Variants in SATL1 observed in about 807,000 individuals in gnomAD.
SATL1 encodes spermidine/spermine N(1)-acetyltransferase-like protein 1.
In SATL1, 47 loss-of-function variants were observed where a neutral mutation model predicts 51.8. The ratio of observed to expected loss-of-function variants is 0.91; its 90% CI spans 0.72 to 1.16. The LOEUF is 1.16. Among genes scored for constraint, SATL1 ranks in the 50% most tolerant of loss-of-function variants. The probability of loss-of-function intolerance (pLI) is 0.00; values close to 1 mark genes in which losing one functional copy is unlikely to be tolerated. For synonymous variants in SATL1, 176 were observed against 182.4 expected (o/e 0.97, Z 0.28); for missense variants, 520 against 526.4 (o/e 0.99, Z 0.12).
intron 2 of SATL1, among the ~76,000 whole-genome samples, chrX:85,118,070 A>C (rs1210460431): frequency 3.7e-5 from 2 of 53,487 alleles, no homozygotes; most frequent in Non-Finnish European, 9.4e-5. Context: ...TGTTTTGCAA[A>C]TAAAAAAAGA....
intron 2 of SATL1, among the ~76,000 whole-genome samples, chrX:85,199,352 C>G (rs1430533323): frequency 9.0e-6 from 1 of 111,558 alleles, no homozygotes; most frequent in East Asian, 2.8e-4. Flanking sequence ...TAGTATATCA[C>G]TACGGAGAAC....
chrX:85,135,126 A>T (rs1925918799), intron 2 of SATL1, among the ~76,000 whole-genome samples: 1 of 110,556 alleles, frequency 9.0e-6, no homozygotes, highest in African/African-American at 3.3e-5. Flanking sequence ...CTGAACAATG[A>T]GAGCACATGG....
At chrX:85,202,293 A>T (rs1927702080) in intron 2 of SATL1, among the ~76,000 whole-genome samples, 1 of 112,084 alleles carries the variant, frequency 8.9e-6, no homozygotes, top group African/African-American at 3.2e-5. Flanking sequence ...TGCTGTGCAG[A>T]AGCTTCAAAG....
At chrX:85,154,639 T>C (rs765802572) in intron 2 of SATL1, among the ~76,000 whole-genome samples, 3 of 112,433 alleles carry the variant, frequency 2.7e-5, no homozygotes, top group South Asian at 3.7e-4. Context: ...GGCCTAACTC[T>C]GAACCCAGGC....
intron 2 of SATL1, among the ~76,000 whole-genome samples, chrX:85,118,124 A>C (rs1233924523): frequency 3.8e-5 from 2 of 52,092 alleles, no homozygotes; most frequent in East Asian, 1.0e-3. Context: ...GTCTAGAGAA[A>C]GAGGCTGAGA....
intron 2 of SATL1, among the ~76,000 whole-genome samples, chrX:85,147,522 A>G (rs1926288190): frequency 8.8e-6 from 1 of 114,137 alleles, no homozygotes. Flanking sequence ...TGCCTCCTCA[A>G]GTGGGTCCCT....
chrX:85,126,075 C>T (rs1450498868), intron 2 of SATL1, among the ~76,000 whole-genome samples: 1 of 111,117 alleles, frequency 9.0e-6, no homozygotes, highest in African/African-American at 3.3e-5. Context: ...GACCTACCCT[C>T]ACAAGAGTTA....
chrX:85,134,345 G>A (rs1925896230), intron 2 of SATL1, among the ~76,000 whole-genome samples: 1 of 110,993 alleles, frequency 9.0e-6, no homozygotes, highest in South Asian at 3.8e-4. Context: ...GGAGGAGAAT[G>A]TACAACCTTG....
chrX:85,240,188 G>A (rs1051985346), intron 1 of SATL1, among the ~76,000 whole-genome samples: 1 of 111,429 alleles, frequency 9.0e-6, no homozygotes, highest in African/African-American at 3.3e-5. Flanking sequence ...GAGAAGTTAC[G>A]GCAAATAAGG....
At chrX:85,157,544 T>C (rs1926626641) in intron 2 of SATL1, among the ~76,000 whole-genome samples, 1 of 111,288 alleles carries the variant, frequency 9.0e-6, no homozygotes, top group Non-Finnish European at 1.9e-5. Flanking sequence ...ATTCACTTTT[T>C]CTTAGTCTCC....
chrX:85,200,839 T>C (rs1289102388), intron 2 of SATL1, among the ~76,000 whole-genome samples: 1 of 110,583 alleles, frequency 9.0e-6, no homozygotes, highest in Admixed American at 9.7e-5. Context: ...CAATTTATTA[T>C]ATATAATATT....
Position 85,107,895 on chromosome X carries a change from T to G in SATL1, c.1074A>C (p.Gln358His), listed in dbSNP as rs1408988212. 8.3e-7 allele frequency: 1 copy of G among 1,209,552 alleles called. No individual in the cohort carries two copies. The highest frequency in any genetic ancestry group is 3.0e-5 in the East Asian group (1 of 33,702). ...QPGPPQRAPS[Q>H]SGPRQSSTSQ... ...TCGTGCTTGATTGTCTGGGGCCTGA[T>G]TGGCTTGGGGCTCGTTGCGGTGGAC... The change falls in exon 3 of 8, where the codon CAA (glutamine) becomes CAC (histidine). Residue 358 changes from glutamine to histidine, a missense_variant. Physicochemically the swap from Gln to His is conservative, Grantham distance 24. Coordinates refer to ENST00000644105, the MANE Select transcript of SATL1 (RefSeq NM_001367857.2).
At chrX:85,092,744 C>A (rs1924564430) in intron 7 of SATL1, 183 bp from the exon 8 acceptor site, 2 of 406,196 alleles carry the variant, frequency 4.9e-6, no homozygotes, top group Non-Finnish European at 8.1e-6. Flanking sequence ...CTGTTCTGAG[C>A]TTTAAAGCCC....
intron 2 of SATL1, among the ~76,000 whole-genome samples, chrX:85,173,368 G>A (rs1193819594): frequency 9.0e-6 from 1 of 111,323 alleles, no homozygotes; most frequent in Non-Finnish European, 1.9e-5. Flanking sequence ...TGAAGGATCA[G>A]TACTATCCTT....
intron 2 of SATL1, among the ~76,000 whole-genome samples, chrX:85,149,244 C>A (rs1488138418): frequency 9.0e-6 from 1 of 111,513 alleles, no homozygotes; most frequent in Non-Finnish European, 1.9e-5. Context: ...GTAAAGGGAT[C>A]AATTCAACAA....
In SATL1 at chrX:85,093,216, A is replaced by G. The variant is rs1207937470; in HGVS notation, c.1886T>C (p.Ile629Thr). 1.7e-6 allele frequency: 2 copies of G among 1,165,099 alleles called. No homozygotes were observed. The highest frequency in any genetic ancestry group is 2.6e-5 in the Admixed American group (1 of 38,705). Reference protein sequence around the residue: ...YVTQAYQGLGIGAEMLKRLSQ... With the variant: ...YVTQAYQGLGTGAEMLKRLSQ... ...TAGCCTCTTCAGCATTTCAGCTCCAATACCTAGGCCTTTTAAATAGACAAT... is the reference window on the plus strand; with the variant it reads ...TAGCCTCTTCAGCATTTCAGCTCCAGTACCTAGGCCTTTTAAATAGACAAT... The change falls in exon 7 of 8, where the codon ATT becomes ACT. Residue 629 changes from isoleucine (I) to threonine (T), a missense_variant. Ile to Thr is a moderately conservative substitution (Grantham distance 89, BLOSUM62 -1). Coordinates refer to ENST00000644105, the MANE Select transcript of SATL1 (RefSeq NM_001367857.2).
chrX:85,171,460 G>T (rs1263737195), intron 2 of SATL1, among the ~76,000 whole-genome samples: 1 of 111,510 alleles, frequency 9.0e-6, no homozygotes, highest in African/African-American at 3.2e-5. Context: ...ATGTTTTCAT[G>T]TTTAGAAAAT....
chrX:85,186,986 T>C (rs1927325906), intron 2 of SATL1, among the ~76,000 whole-genome samples: 1 of 112,013 alleles, frequency 8.9e-6, no homozygotes, highest in Non-Finnish European at 1.9e-5. Context: ...TTAACAATAG[T>C]AAGTTTTCTC....
intron 2 of SATL1, among the ~76,000 whole-genome samples, chrX:85,126,215 A>G (rs1391729912): frequency 9.1e-6 from 1 of 109,998 alleles, no homozygotes; most frequent in African/African-American, 3.3e-5. Flanking sequence ...ATCATCCATC[A>G]CCCCAGCTTA....
Sources: allele counts gnomAD v4.1 joint callset (sites outside exome capture counted in the v4.1 genomes callset), GRCh38; gene constraint gnomAD v4.1.1; transcripts MANE v1.5; gene names NCBI Gene and HGNC (gene_info 2026-07-23, HGNC 2026-07-21).